The following TRAPPC9 variants were observed in gnomAD, a reference collection of about 807,000 sequenced individuals.
TRAPPC9 encodes the protein trafficking protein particle complex subunit 9.
A neutral mutation model predicts 124.0 loss-of-function variants in TRAPPC9; 83 were observed. The observed-to-expected ratio is 0.67, with a 90% CI of 0.56 to 0.80. The LOEUF (loss-of-function observed/expected upper bound fraction) is 0.80, where lower values mean the gene tolerates loss of function less well. TRAPPC9 is among the 30% of genes least tolerant of loss of function. TRAPPC9 has a pLI of 0.00. For missense variants in TRAPPC9, 1,302 were observed against 1,508.3 expected, an observed-to-expected ratio of 0.86 and a Z score of 2.27; for synonymous variants, 638 against 617.5, an observed-to-expected ratio of 1.03 and a Z score of -0.49.
intron 9 of TRAPPC9, among the ~76,000 whole-genome samples, chr8:140,345,511 G>A (rs2067319722): frequency 1.3e-5 from 2 of 152,236 alleles, no homozygotes; most frequent in Admixed American, 1.3e-4. Context: ...GGGCAGGCAG[G>A]CCAAAAAAAG....
At chr8:140,020,016 G>C (rs993209165) in intron 18 of TRAPPC9, among the ~76,000 whole-genome samples, 2 of 148,296 alleles carry the variant, frequency 1.3e-5, no homozygotes, top group African/African-American at 5.1e-5. Context: ...TTAATGTTTT[G>C]TATGTTTTAT....
chr8:140,405,280 T>C, intron 6 of TRAPPC9: 1 of 283,914 alleles, frequency 3.5e-6, no homozygotes, highest in South Asian at 3.8e-5. Flanking sequence ...ATAAATAATA[T>C]ACATTGATAA....
chr8:140,085,598 C>A (rs769330625), intron 17 of TRAPPC9, among the ~76,000 whole-genome samples: 12 of 152,188 alleles, frequency 7.9e-5, no homozygotes, highest in Non-Finnish European at 1.3e-4. Flanking sequence ...TGGAGGGAGC[C>A]CAGGACTTTC....
At chr8:139,986,332 A>G (rs547861119) in intron 19 of TRAPPC9, among the ~76,000 whole-genome samples, 1 of 152,344 alleles carries the variant, frequency 6.6e-6, no homozygotes, top group South Asian at 2.1e-4. Context: ...TAAAACATGG[A>G]TGTGGAATGA....
At chr8:140,271,996 G>A (rs1044263884) in intron 15 of TRAPPC9, among the ~76,000 whole-genome samples, 2 of 128,828 alleles carry the variant, frequency 1.6e-5, no homozygotes, top group Admixed American at 7.8e-5. Context: ...TGGTGGTGGT[G>A]GTAGTGATGG....
intron 16 of TRAPPC9, among the ~76,000 whole-genome samples, chr8:140,221,958 C>T (rs1168268187): frequency 6.6e-6 from 1 of 152,202 alleles, no homozygotes; most frequent in African/African-American, 2.4e-5. Context: ...TCAGTTACAG[C>T]TGCCTGATGT....
rs138875872 is a variant in TRAPPC9 at position 140,405,004 on chromosome 8, T to C, written c.1008+573A>G. 1.0e-3 allele frequency among the ~76,000 whole-genome samples: 158 copies of C among 151,568 alleles called. 2 individuals carry two copies. The East Asian group carries it at 0.024, about 23-fold the overall frequency. On this transcript the variant is annotated intron_variant, in intron 6 of 22. Transcript: ENST00000438773. ...ACCAAGTTGTTGATAATAAACCAAG[T>C]TGTTAATAAGAGTAGAGGAGGTAGA...
Position 139,788,739 on chromosome 8 carries a change from G to A in TRAPPC9, c.3056-56537C>T, listed in dbSNP as rs529346500. ...TTCGTGGGCGCAGGCTGAGCACAAG[G>A]TCCACAGCCCTCCCTTGACACAAAG... On this transcript the variant is annotated intron_variant, in intron 21 of 22. Transcript: ENST00000438773. This position sits in a 1 kb window ranked among gnomAD's most constrained non-coding sequence, Gnocchi z 4.9. Among the ~76,000 whole-genome samples the A allele has an allele frequency of 1.3e-5, 2 of 152,320 alleles. No homozygotes were observed. Among genetic ancestry groups the A allele is most frequent in the African/African-American group, 2.4e-5 (1 of 41,566 alleles).
intron 17 of TRAPPC9, among the ~76,000 whole-genome samples, chr8:140,172,677 C>G (rs2061989817): frequency 6.6e-6 from 1 of 152,310 alleles, no homozygotes; most frequent in South Asian, 2.1e-4. Context: ...AAATGCCGCA[C>G]ACTGTGCTAA....
intron 17 of TRAPPC9, among the ~76,000 whole-genome samples, chr8:140,160,719 C>T (rs1167906698): frequency 6.6e-6 from 1 of 151,936 alleles, no homozygotes; most frequent in African/African-American, 2.4e-5. Flanking sequence ...GGGTGCAGCA[C>T]ATCAACATGG....
chr8:140,164,772 A>G (rs969241253), intron 17 of TRAPPC9, among the ~76,000 whole-genome samples: 5 of 152,172 alleles, frequency 3.3e-5, no homozygotes, highest in African/African-American at 1.2e-4. Context: ...GTCAGGAACC[A>G]AAATCCACCC....
chr8:140,379,574 A>C (rs1294325511), intron 7 of TRAPPC9, among the ~76,000 whole-genome samples: 4 of 152,216 alleles, frequency 2.6e-5, no homozygotes, highest in Admixed American at 2.6e-4. Context: ...ACATGCAGGA[A>C]AGAAATGCTA....
At chr8:140,369,187 G>GT (rs1181036591) in intron 8 of TRAPPC9, among the ~76,000 whole-genome samples, 3 of 152,352 alleles carry the variant, frequency 2.0e-5, no homozygotes, top group South Asian at 2.1e-4. Flanking sequence ...TCTATCAAAT[G>GT]TAAGTGTTGC....
chr8:139,810,335 G>C (rs1824352481), intron 21 of TRAPPC9, among the ~76,000 whole-genome samples: 1 of 152,202 alleles, frequency 6.6e-6, no homozygotes, highest in Non-Finnish European at 1.5e-5. Context: ...GCATGGGCAG[G>C]GATGAGCAAT....
In TRAPPC9 at chr8:140,413,251, T is replaced by C. The variant is rs181063880; in HGVS notation, c.887-7553A>G. Among the ~76,000 whole-genome samples the C allele has an allele frequency of 5.8e-4, 89 of 152,188 alleles. No individual in the cohort carries two copies. The East Asian group carries it at 0.016, about 28-fold the overall frequency. ...TAAAAATACAAAAATTAGTTGGGTG[T>C]GGTGGCACATGCCTGTAATCCCAGC... On this transcript the variant is annotated intron_variant, in intron 5 of 22. Transcript: ENST00000438773.
intron 17 of TRAPPC9, among the ~76,000 whole-genome samples, chr8:140,070,919 A>G (rs1023520045): frequency 6.6e-6 from 1 of 152,134 alleles, no homozygotes; most frequent in Admixed American, 6.5e-5. Context: ...TCTCTTACCT[A>G]CAGCTCAGGC....
At chr8:139,849,639 T>C (rs888836141) in intron 21 of TRAPPC9, among the ~76,000 whole-genome samples, 1 of 152,254 alleles carries the variant, frequency 6.6e-6, no homozygotes, top group Non-Finnish European at 1.5e-5. Flanking sequence ...ATATGGTGTG[T>C]GGACACTGTT....
chr8:140,046,142 G>A lies in TRAPPC9; in HGVS notation c.2557-22063C>T, dbSNP rs532747310. Among the ~76,000 whole-genome samples, 8 of 152,280 alleles carry A rather than the reference G, an allele frequency of 5.3e-5. No individual in the cohort carries two copies. The South Asian group carries it at 1.0e-3, about 20-fold the overall frequency. On this transcript the variant is annotated intron_variant, in intron 17 of 22. Transcript: ENST00000438773. ...TTGCCCAAGGAGACTGGCGTCCCCC[G>A]CCTTGCACTAGCACTGTGCTGAGCG...
intron 21 of TRAPPC9, among the ~76,000 whole-genome samples, chr8:139,783,786 T>C (rs1310599964): frequency 1.3e-5 from 2 of 152,238 alleles, no homozygotes; most frequent in Non-Finnish European, 2.9e-5. Context: ...TATGAAAACA[T>C]AATATCATTA....
Sources: allele counts gnomAD v4.1 joint callset (sites outside exome capture counted in the v4.1 genomes callset), GRCh38; gene constraint gnomAD v4.1.1; non-coding constraint Gnocchi (gnomAD v3.1); transcripts MANE v1.5; gene names NCBI Gene and HGNC (gene_info 2026-07-23, HGNC 2026-07-21).